MSLN: variants seen among roughly 807,000 people sequenced by gnomAD.
The protein encoded by MSLN is mesothelin.
In MSLN, 82 loss-of-function variants were observed where a neutral mutation model predicts 72.6. The ratio of observed to expected loss-of-function variants is 1.13; its 90% CI spans 0.94 to 1.36. The LOEUF is 1.36. Ranked by LOEUF, MSLN falls within the 40% of genes most tolerant of loss-of-function variation. The pLI, the probability that MSLN is intolerant of heterozygous loss-of-function variation, is 0.00. For synonymous variants in MSLN, 456 were observed against 387.3 expected, an observed-to-expected ratio of 1.18 and a Z score of -2.08; for missense variants, 1,005 against 847.9, an observed-to-expected ratio of 1.19 and a Z score of -2.30.
At chr16:762,430 T>C (rs1186469539) in intron 2 of MSLN, 14 of 534,630 alleles carry the variant, frequency 2.6e-5, no homozygotes, top group Non-Finnish European at 4.6e-5. Context: ...AACTGACTCC[T>C]GGGCTGTCTG....
Position 765,713 on chromosome 16 carries a change from A to T in MSLN, c.818A>T (p.Gln273Leu). The change falls in exon 11 of 18, where the codon CAA becomes CTA. Residue 273 changes from glutamine to leucine, a missense_variant. By Grantham distance (113) the Gln-to-Leu change is moderately radical. Transcript: ENST00000545450. ...CAGGGCATCGTGGCCGCGTGGCGGC[A>T]ACGCTCCTCTCGGGACCCATCCTGG... ...IPQGIVAAWR[Q>L]RSSRDPSWRQ... 1 of 1,601,004 alleles carries T rather than the reference A, an allele frequency of 6.2e-7. No homozygotes were observed. Among genetic ancestry groups the T allele is most frequent in the South Asian group, 1.1e-5 (1 of 91,070 alleles).
At position 766,421 on chromosome 16, in the gene MSLN, G is replaced by T. The variant is rs1203634027; in HGVS notation, c.1161G>T (p.Trp387Cys). The change falls in exon 13 of 18, where the codon TGG becomes TGT. Residue 387 changes from tryptophan to cysteine, a missense_variant. By Grantham distance (215) the Trp-to-Cys change is radical. Transcript: ENST00000545450. ...LKMSPEDIRK[W>C]NVTSLETLKA... ...TGAGCCCTGAGGACATTCGCAAGTG[G>T]AATGTGACGTCCCTGGAGACCCTGA... is the stretch of plus-strand genomic sequence containing the variant. 6.2e-7 allele frequency: 1 copy of T among 1,612,688 alleles called. No homozygotes were observed. The highest frequency in any genetic ancestry group is 1.1e-5 in the South Asian group (1 of 91,072).
chr16:762,395 C>T, intron 2 of MSLN: 1 of 482,362 alleles, frequency 2.1e-6, no homozygotes, highest in African/African-American at 2.0e-5. Flanking sequence ...CACTGCCCTG[C>T]CCTTCTGGGA....
Position 766,356 on chromosome 16 carries a change from G to C in MSLN, c.1096G>C (p.Glu366Gln). The stretch of plus-strand genomic sequence containing the variant: ...GCAGCTCTACCCACAAGGTTACCCC[G>C]AGTCTGTGATCCAGCACCTGGGCTA... ...LDELYPQGYP[E>Q]SVIQHLGYLF... The change falls in exon 13 of 18, where the codon GAG (glutamate) becomes CAG (glutamine). Residue 366 changes from glutamate (E) to glutamine (Q), a missense_variant. Coordinates refer to ENST00000545450, the MANE Select transcript of MSLN (RefSeq NM_005823.6). 1 of 1,612,698 alleles carries C rather than the reference G, an allele frequency of 6.2e-7. No homozygotes were observed. Among genetic ancestry groups the C allele is most frequent in the Middle Eastern group, 1.7e-4 (1 of 6,060 alleles).
chr16:767,502 G>A, intron 16 of MSLN, 32 bp downstream of exon 16: 1 of 1,518,776 alleles, frequency 6.6e-7, no homozygotes, highest in East Asian at 2.4e-5. Flanking sequence ...GCGTGTGGAG[G>A]AGGGGCCCGT....
rs765075968 is a variant in MSLN, at chr16:766,892, A to C, written c.1381A>C (p.Arg461=). The C allele has an allele frequency of 6.2e-7, 1 of 1,612,548 alleles. No individual in the cohort carries two copies. The highest frequency in any genetic ancestry group is 8.5e-7 in the Non-Finnish European group (1 of 1,179,858). ...CACCCACCGTGTCCCCAGGGCGGTCAGGCCCCAGGACCTGGACACGTGTGA... is the reference window on the plus strand; with the variant it reads ...CACCCACCGTGTCCCCAGGGCGGTCCGGCCCCAGGACCTGGACACGTGTGA... ...SVPPSSIWAV[R]PQDLDTCDPR... The change falls in exon 15 of 18, where the codon AGG becomes CGG. Residue 461 remains arginine (R), a synonymous_variant. Coordinates refer to ENST00000545450, the MANE Select transcript of MSLN (RefSeq NM_005823.6).
Position 768,472 on chromosome 16 carries a change from C to T in MSLN, c.1690C>T (p.Leu564=), listed in dbSNP as rs2041671391. The change falls in exon 17 of 18, where the codon CTA becomes TTA. Residue 564 remains leucine (L), a synonymous_variant. Coordinates refer to ENST00000545450, the MANE Select transcript of MSLN (RefSeq NM_005823.6). ...ERHRPVRDWI[L]RQRQDDLDTL... is the part of the protein sequence containing the mutation. ...GCACCGCCCGGTGCGGGACTGGATC[C>T]TACGGCAGCGGCAGGACGACCTGGA... The T allele has an allele frequency of 1.3e-6, 2 of 1,569,100 alleles. No homozygotes were observed. Among genetic ancestry groups the T allele is most frequent in the African/African-American group, 1.4e-5 (1 of 74,056 alleles).
chr16:768,621 C>A lies in MSLN; in HGVS notation c.1784-27C>A, dbSNP rs374649628. 34 of 1,610,736 alleles carry A rather than the reference C, an allele frequency of 2.1e-5. No homozygotes were observed. The African/African-American group carries it at 4.0e-4, about 19-fold the overall frequency. ...GCAGAGCTGGGGGCGTGGAGGTGGG[C>A]GCTCTGAGTCACCCCTCTCTCTGTA... On this transcript the variant is annotated intron_variant, in intron 17 of 17. Transcript: ENST00000545450.
chr16:764,822 G>T, intron 7 of MSLN, 85 bp from the exon 8 acceptor site: 1 of 1,583,348 alleles, frequency 6.3e-7, no homozygotes, highest in Admixed American at 1.7e-5. Context: ...GGCCACAGCA[G>T]AGATGTGGAG....
chr16:765,287 G>C lies in MSLN; in HGVS notation c.688G>C (p.Gly230Arg). The change falls in exon 9 of 18, where the codon GGG (glycine) becomes CGG (arginine). Residue 230 changes from glycine to arginine, a missense_variant. By Grantham distance (125) the Gly-to-Arg change is moderately radical. Coordinates refer to ENST00000545450, the MANE Select transcript of MSLN (RefSeq NM_005823.6). ...QEAARAALQG[G>R]GPPYGPPSTW... ...GGCAGCCAGGGCGGCTCTGCAGGGC[G>C]GGGGACCCCCCTACGGGTAAGTGAA... The C allele has an allele frequency of 1.3e-6, 2 of 1,578,762 alleles. No individual in the cohort carries two copies. Among genetic ancestry groups the C allele is most frequent in the Non-Finnish European group, 1.7e-6 (2 of 1,168,934 alleles).
Position 766,481 on chromosome 16 carries a change from G to C in MSLN, c.1221G>C (p.Met407Ile). Reference sequence around the variant, plus strand: ...TTGAAGTCAACAAAGGGCACGAAATGAGTCCTCAGGTGACCGTCCGGCTCG... The same window carrying C: ...TTGAAGTCAACAAAGGGCACGAAATCAGTCCTCAGGTGACCGTCCGGCTCG... ...ALLEVNKGHE[M>I]SPQVATLIDR... The change falls in exon 13 of 18, where the codon ATG (methionine) becomes ATC (isoleucine). Residue 407 changes from methionine to isoleucine, a missense_variant. By Grantham distance (10) the Met-to-Ile change is conservative. Coordinates refer to ENST00000545450, the MANE Select transcript of MSLN (RefSeq NM_005823.6). 6.2e-7 allele frequency: 1 copy of C among 1,612,672 alleles called. No individual in the cohort carries two copies. The highest frequency in any genetic ancestry group is 8.5e-7 in the Non-Finnish European group (1 of 1,179,910).
chr16:763,407 G>T, intron 4 of MSLN, 131 bp downstream of exon 4: 1 of 903,608 alleles, frequency 1.1e-6, no homozygotes, highest in East Asian at 2.7e-5. Flanking sequence ...GGGGCACCTG[G>T]ACCTGCATGT....
rs750994060 is a variant in MSLN at position 765,169 on chromosome 16, C to T, written c.570C>T (p.Cys190=). ...TGCGGGCTCTGGGAGGCCTGGCTTG[C>T]GACCTGCCTGGGCGCTTTGTGGCCG... ...ADVRALGGLA[C]DLPGRFVAES... is the part of the protein sequence containing the mutation. Residue 190 remains cysteine, a synonymous_variant, in exon 9 of 18, where the codon TGC becomes TGT. Coordinates refer to ENST00000545450, the MANE Select transcript of MSLN (RefSeq NM_005823.6). The T allele has an allele frequency of 9.4e-6, 15 of 1,601,088 alleles. No individual in the cohort carries two copies. Among genetic ancestry groups the T allele is most frequent in the African/African-American group, 4.0e-5 (3 of 74,996 alleles).
chr16:768,059 G>C (rs1373062832), intron 16 of MSLN, among the ~76,000 whole-genome samples: 1 of 108,798 alleles, frequency 9.2e-6, no homozygotes, highest in Non-Finnish European at 1.9e-5. Context: ...GCGTGGAGGA[G>C]GGGCACATGG....
At chr16:764,309 G>T (rs1006119560) in intron 6 of MSLN, among the ~76,000 whole-genome samples, 166 bp downstream of exon 6, 1 of 152,204 alleles carries the variant, frequency 6.6e-6, no homozygotes, top group African/African-American at 2.4e-5. Flanking sequence ...TGACCACTGG[G>T]GTGCCTGTCC....
intron 6 of MSLN, among the ~76,000 whole-genome samples, chr16:764,412 C>T (rs1248078924): frequency 6.6e-6 from 1 of 152,200 alleles, no homozygotes; most frequent in Non-Finnish European, 1.5e-5. Context: ...CCAGGCTCTG[C>T]CCCAAGGGTG....
In MSLN at chr16:766,719, G is replaced by C. The variant is rs751655966; in HGVS notation, c.1282G>C (p.Asp428His). The stretch of plus-strand genomic sequence containing the variant: ...GAAGGGAAGGGGCCAGCTAGACAAA[G>C]ACACCCTAGACACCCTGACCGCCTT... ...FVKGRGQLDK[D>H]TLDTLTAFYP... Residue 428 changes from aspartate (D) to histidine (H), a missense_variant, in exon 14 of 18, where the codon GAC becomes CAC. By Grantham distance (81) the Asp-to-His change is moderately conservative. Transcript: ENST00000545450. The C allele has an allele frequency of 1.2e-6, 2 of 1,612,644 alleles. No individual in the cohort carries two copies. The highest frequency in any genetic ancestry group is 1.1e-5 in the South Asian group (1 of 91,084).
At chr16:764,609 G>C (rs370112839) in intron 6 of MSLN, 38 bp from the exon 7 acceptor site, 1 of 1,573,826 alleles carries the variant, frequency 6.4e-7, no homozygotes, top group Non-Finnish European at 8.7e-7. Context: ...GTGAGTGGCG[G>C]CTCGAAACGC....
intron 2 of MSLN, among the ~76,000 whole-genome samples, chr16:761,849 C>T (rs986930847): frequency 1.3e-5 from 2 of 152,340 alleles, no homozygotes; most frequent in Admixed American, 6.5e-5. Context: ...GTGGACCCAC[C>T]GGGCCTGGGC....
Sources: gnomAD v4.1 joint callset for allele counts (sites outside exome capture counted in the v4.1 genomes callset) on GRCh38, gnomAD v4.1.1 for gene constraint, MANE v1.5 for transcripts, NCBI Gene and HGNC (gene_info 2026-07-23, HGNC 2026-07-21) for gene names.